Variants in PCDHGB5 observed in about 807,000 individuals in gnomAD.
PCDHGB5 encodes protocadherin gamma-B5.
A neutral mutation model predicts 62.9 loss-of-function variants in PCDHGB5; 48 were observed. The ratio of observed to expected loss-of-function variants is 0.76; its 90% confidence interval spans 0.61 to 0.97. The LOEUF is 0.97. PCDHGB5 is among the 50% of genes least tolerant of loss of function. The pLI is 0.00. For synonymous variants in PCDHGB5, 474 were observed against 511.2 expected (o/e 0.93, Z 0.98); for missense variants, 1,118 against 1,198.6 (o/e 0.93, Z 0.99).
rs368564960 is a variant in PCDHGB5 at position 141,408,437 on chromosome 5, G to T, written c.2397+7913G>T. Reference sequence around the variant, plus strand: ...GGAGAAGCTGCACTTCAGCGTAGACGCGGAGAGCGGGGACTTACTTGTGAA... The same window carrying T: ...GGAGAAGCTGCACTTCAGCGTAGACTCGGAGAGCGGGGACTTACTTGTGAA... On this transcript the variant is annotated intron_variant, in intron 1 of 3. Transcript: ENST00000617380. The T allele has an allele frequency of 1.3e-5, 21 of 1,613,950 alleles. No homozygotes were observed. Among genetic ancestry groups the T allele is most frequent in the Non-Finnish European group, 1.6e-5 (19 of 1,179,918 alleles).
chr5:141,450,119 G>A (rs765403319), intron 1 of PCDHGB5, among the ~76,000 whole-genome samples: 2 of 148,920 alleles, frequency 1.3e-5, no homozygotes, highest in Non-Finnish European at 3.0e-5. Context: ...TGATTCTCCT[G>A]CCTTAGCCTC....
rs926009065 is a variant in PCDHGB5, at chr5:141,488,023, AG to A, written c.2398-6782del. ...TCAGATTCTGAAGTACCTTAACTCT[AG>A]GTTACCATTTCCCAAGGGATTGAGG... On this transcript the variant is annotated intron_variant, in intron 1 of 3. Transcript: ENST00000617380. 1.4e-3 allele frequency among the ~76,000 whole-genome samples: 213 copies of A among 152,260 alleles called. 1 individual carries two copies. The highest frequency in any genetic ancestry group is 5.0e-3 in the African/African-American group (208 of 41,542).
chr5:141,433,042 G>C (rs752612411), intron 1 of PCDHGB5: 6 of 1,614,142 alleles, frequency 3.7e-6, no homozygotes, highest in Non-Finnish European at 5.1e-6. Flanking sequence ...CCCTCACCAC[G>C]GACTCGCGGA....
intron 1 of PCDHGB5, chr5:141,484,980 A>C (rs1387732109): frequency 1.7e-6 from 1 of 593,836 alleles, no homozygotes; most frequent in Admixed American, 3.1e-5. Flanking sequence ...CTGTCTGCCA[A>C]TCGGGTGGTG....
In PCDHGB5 at chr5:141,485,051, CCGAACCGCG is replaced by C. The variant is rs2099605816; in HGVS notation, c.2398-9754_2398-9746del. On this transcript the variant is annotated intron_variant, in intron 1 of 3. Coordinates refer to ENST00000617380, the MANE Select transcript of PCDHGB5 (RefSeq NM_018925.3). This position sits in a 1 kb window ranked among gnomAD's most constrained non-coding sequence, Gnocchi z 5.7. ...CGGCGCGTAACCCTTGCGGCGCCGG[CCGAACCGCG>C]CCAGAGCTGGCGCGGGGAAAGGGAG... 1.2e-6 allele frequency: 1 copy of C among 801,304 alleles called. No individual in the cohort carries two copies. Among genetic ancestry groups the C allele is most frequent in the East Asian group, 2.5e-5 (1 of 40,224 alleles). 49.6% of individuals were successfully genotyped at this position (801,304 alleles called of 1,614,324 possible). A position where few individuals can be genotyped will look rare whatever the true frequency, so the allele number is the denominator to read the frequency against.
intron 2 of PCDHGB5, 22 bp downstream of exon 2, chr5:141,494,887 C>T (rs116522768): frequency 0.014 from 22,125 of 1,614,118 alleles, 208 homozygotes; most frequent in Middle Eastern, 0.021. Context: ...ATTCTCCAGC[C>T]CACCCTCTTC....
chr5:141,428,479 T>A (rs577865239), intron 1 of PCDHGB5: 1 of 328,682 alleles, frequency 3.0e-6, no homozygotes, highest in African/African-American at 2.1e-5. Flanking sequence ...TTTGCTTTAT[T>A]CCTGCAATCT....
Position 141,431,264 on chromosome 5 carries a change from A to T in PCDHGB5, c.2397+30740A>T. The T allele has an allele frequency of 6.2e-7, 1 of 1,614,170 alleles. No individual in the cohort carries two copies. On this transcript the variant is annotated intron_variant, in intron 1 of 3. Coordinates refer to ENST00000617380, the MANE Select transcript of PCDHGB5 (RefSeq NM_018925.3). This position sits in a 1 kb window ranked among gnomAD's most constrained non-coding sequence, Gnocchi z 4.8. ...GGATATCGGGAAGAACTCTCTGCAG[A>T]GCTACGAGCTCAGCCCGAACACTCA...
intron 1 of PCDHGB5, among the ~76,000 whole-genome samples, chr5:141,462,160 A>T (rs575238638): frequency 4.6e-5 from 7 of 152,122 alleles, no homozygotes; most frequent in Non-Finnish European, 1.0e-4. Flanking sequence ...GGGTTTCATC[A>T]TGTTGGCCAG....
In PCDHGB5 at chr5:141,398,947, A is replaced by G; in HGVS notation, c.820A>G (p.Asn274Asp). ...VSATDQDEGINSEITYSFYRT... is the reference protein window; with the variant it reads ...VSATDQDEGIDSEITYSFYRT... ...AGCCACTGACCAAGACGAGGGCATC[A>G]ACTCAGAAATTACTTATTCCTTCTA... Residue 274 changes from asparagine (N) to aspartate (D), a missense_variant, in exon 1 of 4, where the codon AAC becomes GAC. Asn to Asp is a conservative substitution (Grantham distance 23). Around this residue, in one of 2 missense-constraint regions of PCDHGB5, gnomAD observed 1,034 missense variants for 1,029.1 expected, o/e 1.00. Coordinates refer to ENST00000617380, the MANE Select transcript of PCDHGB5 (RefSeq NM_018925.3). 1.2e-6 allele frequency: 2 copies of G among 1,613,968 alleles called. No individual in the cohort carries two copies. The highest frequency in any genetic ancestry group is 1.7e-5 in the Admixed American group (1 of 60,024).
Position 141,489,216 on chromosome 5 carries a change from C to G in PCDHGB5, c.2398-5591C>G. The G allele has an allele frequency of 6.7e-7, 1 of 1,486,698 alleles. No individual in the cohort carries two copies. Among genetic ancestry groups the G allele is most frequent in the Non-Finnish European group, 9.1e-7 (1 of 1,103,260 alleles). 92.1% of individuals were successfully genotyped at this position (1,486,698 alleles called of 1,614,324 possible). ...TTGGAGACAGGACAGCACAGACTTA[C>G]TCTCCACAAAGGGACTTCTGGGTCA... On this transcript the variant is annotated intron_variant, in intron 1 of 3. Transcript: ENST00000617380. This position sits in a 1 kb window ranked among gnomAD's most constrained non-coding sequence, Gnocchi z 4.5.
intron 1 of PCDHGB5, among the ~76,000 whole-genome samples, chr5:141,401,714 A>T (rs964631036): frequency 2.0e-5 from 3 of 152,226 alleles, no homozygotes; most frequent in Non-Finnish European, 4.4e-5. Flanking sequence ...CATTTTTAAG[A>T]CAAAAACTAC....
chr5:141,465,759 A>G (rs2099108647), intron 1 of PCDHGB5, among the ~76,000 whole-genome samples: 2 of 151,280 alleles, frequency 1.3e-5, no homozygotes, highest in South Asian at 4.2e-4. Context: ...TGGTAAAGTC[A>G]TGTTTCATCT....
Position 141,487,356 on chromosome 5 carries a change from C to A in PCDHGB5, c.2398-7451C>A. On this transcript the variant is annotated intron_variant, in intron 1 of 3. Coordinates refer to ENST00000617380, the MANE Select transcript of PCDHGB5 (RefSeq NM_018925.3). The surrounding 1 kb of genome is among the most constrained non-coding windows in gnomAD (Gnocchi z 5.0). ...GCCTGTGGAGTCACATGCTTTCCTG[C>A]TGGCACCTGTGCCTGTCTCACCAGA... 1 of 1,614,220 alleles carries A rather than the reference C, an allele frequency of 6.2e-7. No individual in the cohort carries two copies. The highest frequency in any genetic ancestry group is 8.5e-7 in the Non-Finnish European group (1 of 1,180,042).
At position 141,480,425 on chromosome 5, in the gene PCDHGB5, AT is replaced by A. The variant is rs553131122; in HGVS notation, c.2398-14380del. On this transcript the variant is annotated intron_variant, in intron 1 of 3. Transcript: ENST00000617380. ...GTGAGACCCTGTCTCAAAAAAAAAA[AT>A]TATCAGCTATTACTATAATTATTTT... 2.3e-4 allele frequency among the ~76,000 whole-genome samples: 34 copies of A among 149,340 alleles called. 1 individual carries two copies. In the South Asian group the frequency reaches 6.0e-3, roughly 26 times the overall value.
At position 141,423,255 on chromosome 5, in the gene PCDHGB5, C is replaced by T. The variant is rs368969800; in HGVS notation, c.2397+22731C>T. ...GCATCCCCGAAGTCCTGGCGGACCT[C>T]GGCAGCCTCGAGTCTCTGGCTAACT... On this transcript the variant is annotated intron_variant, in intron 1 of 3. Transcript: ENST00000617380. 2.0e-5 allele frequency: 33 copies of T among 1,613,930 alleles called. No homozygotes were observed. In the East Asian group the frequency reaches 3.8e-4, roughly 19 times the overall value.
intron 1 of PCDHGB5, chr5:141,419,465 G>A (rs568864628): frequency 1.9e-6 from 3 of 1,612,544 alleles, no homozygotes; most frequent in South Asian, 1.1e-5. Context: ...GCAGGCCCGC[G>A]ACCAGGGCTC....
intron 1 of PCDHGB5, among the ~76,000 whole-genome samples, chr5:141,447,063 G>C (rs762309557): frequency 6.6e-6 from 1 of 152,028 alleles, no homozygotes; most frequent in South Asian, 2.1e-4. Context: ...AATGTGTCAG[G>C]CTGTTTTAAT....
chr5:141,405,165 C>T (rs745998723), intron 1 of PCDHGB5: 1 of 1,614,096 alleles, frequency 6.2e-7, no homozygotes, highest in Admixed American at 1.7e-5. Flanking sequence ...GTGCCCACCT[C>T]ACACTTTGTG....
Sources: gnomAD v4.1 joint callset for allele counts (sites outside exome capture counted in the v4.1 genomes callset) on GRCh38, gnomAD v4.1.1 for gene constraint, gnomAD v4.1.1 regional missense constraint, Gnocchi (gnomAD v3.1) non-coding constraint, MANE v1.5 for transcripts, NCBI Gene and HGNC (gene_info 2026-07-23, HGNC 2026-07-21) for gene names.